Variants in TENM1 observed in about 807,000 individuals in gnomAD.
TENM1 encodes the protein teneurin transmembrane protein 1, also known as teneurin-1.
A neutral mutation model predicts 174.8 loss-of-function variants in TENM1; 35 were observed. That is an observed-to-expected ratio of 0.20 (90% CI 0.15 to 0.27). TENM1 has a LOEUF of 0.27. Among genes scored for constraint, TENM1 ranks in the 10% least tolerant of loss-of-function variants. The pLI is 1.00. For synonymous variants in TENM1, 781 were observed against 798.7 expected (o/e 0.98, Z 0.37); for missense variants, 1,633 against 2,130.1 (o/e 0.77, Z 4.59).
chrX:124,593,232 G>A (rs756794811), intron 11 of TENM1, among the ~76,000 whole-genome samples: 1 of 111,658 alleles, frequency 9.0e-6, no homozygotes, highest in South Asian at 3.8e-4. Flanking sequence ...GCAGCAGAGA[G>A]GGCCTCCCTG....
At chrX:124,674,901 G>C (rs2052027008) in intron 5 of TENM1, among the ~76,000 whole-genome samples, 1 of 111,824 alleles carries the variant, frequency 8.9e-6, no homozygotes, top group African/African-American at 3.2e-5. Flanking sequence ...AAAAGGAATA[G>C]TAGATCTCAT....
At chrX:125,069,224 T>C in the TENM1 span, among the ~76,000 whole-genome samples, 1 of 111,896 alleles carries the variant, frequency 8.9e-6, no homozygotes, top group Non-Finnish European at 1.9e-5. Context: ...GTACACATTA[T>C]TTAGCTCCAT....
rs73634539 is a variant in TENM1 at position 124,926,242 on chromosome X, T to G, written c.218-30001A>C. Reference sequence around the variant, plus strand: ...GGCAGATGCAAGTTGCAATTCTAACTCTGTCACATAACCACTAGGTAATGT... The same window carrying G: ...GGCAGATGCAAGTTGCAATTCTAACGCTGTCACATAACCACTAGGTAATGT... On this transcript the variant is annotated intron_variant, in intron 1 of 31. Transcript: ENST00000422452. Among the ~76,000 whole-genome samples, 908 of 112,087 alleles carry G rather than the reference T, an allele frequency of 8.1e-3. 9 individuals are homozygous for G. The highest frequency in any genetic ancestry group is 0.028 in the African/African-American group (863 of 30,839).
intron 3 of TENM1, among the ~76,000 whole-genome samples, chrX:124,803,946 AG>A (rs1032524894): frequency 3.6e-5 from 4 of 112,482 alleles, no homozygotes; most frequent in African/African-American, 1.3e-4. Context: ...CATGCCTTGT[AG>A]GAATCTAAAG....
chrX:124,768,302 G>T (rs1000784506), intron 3 of TENM1, among the ~76,000 whole-genome samples: 1 of 111,889 alleles, frequency 8.9e-6, no homozygotes, highest in Non-Finnish European at 1.9e-5. Context: ...TCACATGTGA[G>T]TTTGGGAGAT....
the TENM1 span, among the ~76,000 whole-genome samples, chrX:125,029,660 G>A: frequency 7.8e-4 from 87 of 111,768 alleles, no homozygotes; most frequent in African/African-American, 2.7e-3. Context: ...TTATTTCCTG[G>A]AATGCACACA....
exon 10 of TENM1, chrX:124,645,205 C>T (rs1222059358): frequency 8.3e-7 from 1 of 1,211,535 alleles, no homozygotes. Flanking sequence ...GATGCAGGTG[C>T]CGTGGCCAAA....
At chrX:124,940,591 C>G (rs141029848) in intron 1 of TENM1, among the ~76,000 whole-genome samples, 6,419 of 111,032 alleles carry the variant, frequency 0.058, 426 homozygotes, top group African/African-American at 0.2. Context: ...TATATACTAA[C>G]TTTCCCTGCA....
intron 5 of TENM1, among the ~76,000 whole-genome samples, chrX:124,680,724 G>A (rs1602986037): frequency 9.0e-6 from 1 of 111,444 alleles, no homozygotes; most frequent in African/African-American, 3.2e-5. Flanking sequence ...ACATGAATCA[G>A]TACTTTTAAT....
chrX:124,893,651 A>C (rs905379086), intron 3 of TENM1, among the ~76,000 whole-genome samples: 7 of 110,617 alleles, frequency 6.3e-5, no homozygotes, highest in African/African-American at 2.4e-4. Context: ...CCATTTATAA[A>C]TGTTACTTTC....
the TENM1 span, among the ~76,000 whole-genome samples, chrX:125,034,210 A>G: frequency 8.9e-6 from 1 of 111,848 alleles, no homozygotes; most frequent in Non-Finnish European, 1.9e-5. Flanking sequence ...ATTCAGGAAA[A>G]GCAACAAATC....
chrX:124,921,461 G>T (rs1203911319), intron 1 of TENM1, among the ~76,000 whole-genome samples: 1 of 111,177 alleles, frequency 9.0e-6, no homozygotes, highest in Non-Finnish European at 1.9e-5. Context: ...AATATAACAT[G>T]CATGTTTCCT....
the TENM1 span, among the ~76,000 whole-genome samples, chrX:125,175,455 G>A: frequency 0.016 from 1,739 of 111,149 alleles, 17 homozygotes; most frequent in South Asian, 0.026. Flanking sequence ...TTATGACACC[G>A]GAAGTAACTA....
At chrX:124,764,423 G>A (rs1043765613) in intron 3 of TENM1, among the ~76,000 whole-genome samples, 1 of 111,157 alleles carries the variant, frequency 9.0e-6, no homozygotes, top group African/African-American at 3.3e-5. Flanking sequence ...GAGTGTGAAA[G>A]TACTTAGTGA....
At chrX:124,670,199 T>C (rs2051886556) in intron 6 of TENM1, among the ~76,000 whole-genome samples, 1 of 112,303 alleles carries the variant, frequency 8.9e-6, no homozygotes, top group South Asian at 3.7e-4. Flanking sequence ...AATTAGAATA[T>C]AAAATCAAAT....
chrX:124,740,332 T>C lies in TENM1; in HGVS notation c.536-3135A>G, dbSNP rs371481964. Among the ~76,000 whole-genome samples the C allele has an allele frequency of 9.8e-5, 11 of 111,879 alleles. No individual in the cohort carries two copies. The South Asian group carries it at 1.9e-3, about 19-fold the overall frequency. ...TGTTCAAAAGAAAAAGAATATCTCA[T>C]TGACATCAGATTTATTGCCTGCTAG... is the stretch of plus-strand genomic sequence containing the variant. On this transcript the variant is annotated intron_variant, in intron 3 of 31. Transcript: ENST00000422452.
chrX:124,494,139 G>A (rs992454597), intron 20 of TENM1, among the ~76,000 whole-genome samples: 1 of 111,636 alleles, frequency 9.0e-6, no homozygotes, highest in East Asian at 2.8e-4. Flanking sequence ...ATGCTTGTGT[G>A]AAAGTAAGTG....
At chrX:124,872,924 G>C (rs1384400740) in intron 3 of TENM1, among the ~76,000 whole-genome samples, 1 of 111,531 alleles carries the variant, frequency 9.0e-6, no homozygotes, top group Non-Finnish European at 1.9e-5. Context: ...TAATAGTAAT[G>C]TAAAGAGCAA....
chrX:124,957,688 CCAAA>C (rs1194467109), intron 1 of TENM1, among the ~76,000 whole-genome samples: 2 of 109,205 alleles, frequency 1.8e-5, no homozygotes, highest in East Asian at 5.7e-4. Flanking sequence ...AACCAACCAA[CCAAA>C]CAAAAATGCT....
Sources: allele counts gnomAD v4.1 joint callset (sites outside exome capture counted in the v4.1 genomes callset), GRCh38; gene constraint gnomAD v4.1.1; transcripts MANE v1.5; gene names NCBI Gene and HGNC (gene_info 2026-07-23, HGNC 2026-07-21).